Variants in GPR176 observed in about 807,000 individuals in gnomAD.
The protein encoded by GPR176 is G-protein coupled receptor 176.
In GPR176, 26 loss-of-function variants were observed where a neutral mutation model predicts 35.4. That is an observed-to-expected ratio of 0.74 (90% confidence interval 0.54 to 1.02). GPR176 has a LOEUF of 1.02. Among genes scored for constraint, GPR176 ranks in the 50% least tolerant of loss-of-function variants. The pLI is 0.00. For synonymous variants in GPR176, 278 were observed against 271.3 expected (o/e 1.02, Z -0.24); for missense variants, 597 against 665.3 (o/e 0.90, Z 1.13).
chr15:39,855,653 A>G (rs1162386931), intron 1 of GPR176, among the ~76,000 whole-genome samples: 2 of 152,204 alleles, frequency 1.3e-5, no homozygotes, highest in African/African-American at 2.4e-5. Flanking sequence ...TCTGGGCTGC[A>G]CTTTTGGCTG....
At chr15:39,901,666 C>A (rs2033281634) in intron 1 of GPR176, among the ~76,000 whole-genome samples, 1 of 152,146 alleles carries the variant, frequency 6.6e-6, no homozygotes, top group South Asian at 2.1e-4. Flanking sequence ...CTGGGAGTAT[C>A]CCTGATGCTC....
At chr15:39,810,263 A>T (rs1371868415) in intron 1 of GPR176, among the ~76,000 whole-genome samples, 1 of 152,042 alleles carries the variant, frequency 6.6e-6, no homozygotes, top group Non-Finnish European at 1.5e-5. Flanking sequence ...AATAAAAGTT[A>T]AAAAAAATAC....
chr15:39,841,820 T>C (rs1411227795), intron 1 of GPR176, among the ~76,000 whole-genome samples: 1 of 152,204 alleles, frequency 6.6e-6, no homozygotes, highest in Admixed American at 6.6e-5. Flanking sequence ...CGAGGCTACA[T>C]GACCAAATGT....
At chr15:39,881,281 C>T (rs2032466047) in intron 1 of GPR176, among the ~76,000 whole-genome samples, 1 of 152,222 alleles carries the variant, frequency 6.6e-6, no homozygotes, top group African/African-American at 2.4e-5. Flanking sequence ...TTTATATCTC[C>T]AGCATTTAAT....
intron 1 of GPR176, among the ~76,000 whole-genome samples, chr15:39,877,826 C>T (rs547365199): frequency 5.5e-4 from 83 of 152,136 alleles, no homozygotes; most frequent in African/African-American, 1.9e-3. Context: ...CCTCCCACAA[C>T]ACTGAGATTA....
intron 1 of GPR176, among the ~76,000 whole-genome samples, chr15:39,812,076 T>C (rs1054196831): frequency 1.3e-5 from 2 of 152,246 alleles, no homozygotes; most frequent in African/African-American, 4.8e-5. Flanking sequence ...TGCCTATATT[T>C]ACAACATACA....
chr15:39,873,621 CTT>C (rs11446640), intron 1 of GPR176, among the ~76,000 whole-genome samples: 5 of 141,786 alleles, frequency 3.5e-5, no homozygotes, highest in Admixed American at 7.1e-5. Flanking sequence ...TTTTTCTTTT[CTT>C]TTTTTTTTTT....
At chr15:39,894,639 G>T (rs1224749996) in intron 1 of GPR176, 3 of 174,752 alleles carry the variant, frequency 1.7e-5, no homozygotes, top group South Asian at 9.5e-5. Context: ...GGGCAGAGAC[G>T]CTCCTCACTT....
At chr15:39,885,282 CAACAGAG>C (rs2032632253) in intron 1 of GPR176, among the ~76,000 whole-genome samples, 1 of 152,218 alleles carries the variant, frequency 6.6e-6, no homozygotes, top group Admixed American at 6.5e-5. Flanking sequence ...TTGCTCTGTT[CAACAGAG>C]TGTGTTTCCT....
chr15:39,878,813 T>A (rs1185734698), intron 1 of GPR176, among the ~76,000 whole-genome samples: 1 of 152,246 alleles, frequency 6.6e-6, no homozygotes, highest in Non-Finnish European at 1.5e-5. Context: ...AAGCTCACTA[T>A]TATTCTAAAG....
At chr15:39,861,018 T>G (rs275750) in intron 1 of GPR176, 1 of 152,092 alleles carries the variant, frequency 6.6e-6, no homozygotes, top group African/African-American at 2.4e-5. Flanking sequence ...TCATACCAAC[T>G]ATAAATCCCT....
chr15:39,875,484 A>G (rs1429891677), intron 1 of GPR176, among the ~76,000 whole-genome samples: 1 of 152,198 alleles, frequency 6.6e-6, no homozygotes, highest in Non-Finnish European at 1.5e-5. Context: ...GGAGAACTGC[A>G]TATGTTCTCA....
At chr15:39,837,505 C>T (rs1050712482) in intron 1 of GPR176, among the ~76,000 whole-genome samples, 2 of 152,152 alleles carry the variant, frequency 1.3e-5, no homozygotes, top group Admixed American at 1.3e-4. Context: ...TCACCTTCTC[C>T]ATGAAGACCT....
At chr15:39,864,637 A>AGAATTCACGACTAACACC (rs2031751534) in intron 1 of GPR176, among the ~76,000 whole-genome samples, 1 of 152,150 alleles carries the variant, frequency 6.6e-6, no homozygotes, top group African/African-American at 2.4e-5. Context: ...GTCTAGACAA[A>AGAATTCACGACTAACACC]GAATTCACGA....
rs143463851 is a variant in GPR176 at position 39,841,687 on chromosome 15, C to A, written c.173-34429G>T. 8.9e-4 allele frequency among the ~76,000 whole-genome samples: 135 copies of A among 152,218 alleles called. 1 individual carries two copies. Among genetic ancestry groups the A allele is most frequent in the Non-Finnish European group, 1.6e-3 (111 of 67,998 alleles). On this transcript the variant is annotated intron_variant, in intron 1 of 2. Transcript: ENST00000561100. ...CTGCCAACATTGATTTCAGACTTCT[C>A]GCCTACAGAACTGTGAGATAATAAA... is the stretch of plus-strand genomic sequence containing the variant.
intron 1 of GPR176, among the ~76,000 whole-genome samples, chr15:39,811,111 T>C (rs1899517798): frequency 6.6e-6 from 1 of 152,370 alleles, no homozygotes; most frequent in African/African-American, 2.4e-5. Context: ...AGACAGCATA[T>C]AGTTGGCTCT....
intron 1 of GPR176, among the ~76,000 whole-genome samples, chr15:39,822,391 A>G (rs1430283960): frequency 6.6e-6 from 1 of 152,242 alleles, no homozygotes; most frequent in Admixed American, 6.5e-5. Flanking sequence ...GTCGTATTAA[A>G]TGAGATATAT....
Position 39,801,372 on chromosome 15 carries a change from C to A in GPR176, c.1308G>T (p.Pro436=). 1 of 1,614,138 alleles carries A rather than the reference C, an allele frequency of 6.2e-7. No individual in the cohort carries two copies. Among genetic ancestry groups the A allele is most frequent in the Non-Finnish European group, 8.5e-7 (1 of 1,180,010 alleles). ...STVDSVSQVA[P]AAPVEPETFP... ...ATGTTTCAGGTTCCACAGGGGCTGC[C>A]GGTGCCACCTGGGATACAGAGTCCA... The change falls in exon 3 of 3, where the codon CCG becomes CCT. Residue 436 remains proline (P), a synonymous_variant. Coordinates refer to ENST00000561100, the MANE Select transcript of GPR176 (RefSeq NM_007223.3).
intron 1 of GPR176, among the ~76,000 whole-genome samples, chr15:39,894,263 G>C (rs1308019355): frequency 3.7e-5 from 4 of 108,042 alleles, no homozygotes; most frequent in African/African-American, 1.2e-4. Context: ...GTTGGGGGCT[G>C]ACCCCCCCAC....
Sources: gnomAD v4.1 joint callset for allele counts (sites outside exome capture counted in the v4.1 genomes callset) on GRCh38, gnomAD v4.1.1 for gene constraint, MANE v1.5 for transcripts, NCBI Gene and HGNC (gene_info 2026-07-23, HGNC 2026-07-21) for gene names.